The following MYBL1 variants were observed in gnomAD, a reference collection of about 807,000 sequenced individuals.
The protein encoded by MYBL1 is MYB proto-oncogene like 1, also known as myb-related protein A.
In MYBL1, 17 loss-of-function variants were observed where a neutral mutation model predicts 96.3. That is an observed-to-expected ratio of 0.18 (90% CI 0.12 to 0.26). The LOEUF (loss-of-function observed/expected upper bound fraction) is 0.26. Ranked by LOEUF, MYBL1 falls within the 10% of genes least tolerant of loss-of-function variation. The pLI is 1.00. For synonymous variants in MYBL1, 282 were observed against 292.7 expected (o/e 0.96, Z 0.37); for missense variants, 701 against 882.9 (o/e 0.79, Z 2.61).
At chr8:66,587,765 A>G (rs935181852) in intron 8 of MYBL1, among the ~76,000 whole-genome samples, 4 of 152,240 alleles carry the variant, frequency 2.6e-5, no homozygotes, top group African/African-American at 9.6e-5. Flanking sequence ...GCCACTAGCC[A>G]TATAAGCAAC....
chr8:66,569,068 A>C lies in MYBL1; in HGVS notation c.1729-2076T>G, dbSNP rs1044946062. On this transcript the variant is annotated intron_variant, in intron 12 of 15. Transcript: ENST00000522677. ...ATTTCATCACCCAAGTATTAAGCCTAGTACCCATTAGTTATTTTTCCTGAT... is the reference window on the plus strand; with the variant it reads ...ATTTCATCACCCAAGTATTAAGCCTCGTACCCATTAGTTATTTTTCCTGAT... 5.3e-5 allele frequency among the ~76,000 whole-genome samples: 8 copies of C among 152,166 alleles called. 1 individual carries two copies.
intron 14 of MYBL1, among the ~76,000 whole-genome samples, 178 bp downstream of exon 14, chr8:66,566,506 A>G (rs1808508808): frequency 6.6e-6 from 1 of 152,160 alleles, no homozygotes; most frequent in Admixed American, 6.5e-5. Flanking sequence ...AATATAAAAA[A>G]AAGTAAATAA....
At position 66,576,264 on chromosome 8, in the gene MYBL1, T is replaced by A. The variant is rs750977844; in HGVS notation, c.1213A>T (p.Met405Leu). The A allele has an allele frequency of 4.3e-6, 7 of 1,613,922 alleles. No individual in the cohort carries two copies. Among genetic ancestry groups the A allele is most frequent in the Non-Finnish European group, 2.5e-6 (3 of 1,179,910 alleles). The change falls in exon 10 of 16, where the codon ATG becomes TTG. Residue 405 changes from methionine to leucine, a missense_variant. This residue lies in a region of MYBL1 where 396 missense variants were observed against 407.4 expected (regional missense o/e 0.97). Coordinates refer to ENST00000522677, the MANE Select transcript of MYBL1 (RefSeq NM_001080416.4). Reference protein sequence around the residue: ...LMRIQHNEGAMECQFNVSLVL... With the variant: ...LMRIQHNEGALECQFNVSLVL... Reference sequence around the variant, plus strand: ...AGACTGACGTTAAATTGGCATTCCATGGCTCCTTCATTGTGCTGAATTCTC... The same window carrying A: ...AGACTGACGTTAAATTGGCATTCCAAGGCTCCTTCATTGTGCTGAATTCTC...
chr8:66,572,482 C>T lies in MYBL1; in HGVS notation c.1728G>A (p.Val576=). 1 of 1,491,498 alleles carries T rather than the reference C, an allele frequency of 6.7e-7. No individual in the cohort carries two copies. The highest frequency in any genetic ancestry group is 1.2e-5 in the South Asian group (1 of 81,482). The allele number at this position is 1,491,498 out of a possible 1,614,324, so 92.4% of individuals were successfully genotyped here. Residue 576 remains valine (V), a splice_region_variant and synonymous_variant, in exon 12 of 16, where the codon GTG becomes GTA. Transcript: ENST00000522677. ...TTAAAAATAAAATGAATATACATAC[C>T]ACAATTTTAAGAGGTCCATATTTTT... ...QEKKYGPLKI[V]SQPLAFLEED...
At chr8:66,571,295 T>C (rs951073911) in intron 12 of MYBL1, among the ~76,000 whole-genome samples, 1 of 152,164 alleles carries the variant, frequency 6.6e-6, no homozygotes, top group African/African-American at 2.4e-5. Context: ...CCACAAATAC[T>C]ATTATTAGAA....
intron 9 of MYBL1, among the ~76,000 whole-genome samples, chr8:66,579,645 A>T (rs1279054738): frequency 6.6e-6 from 1 of 150,580 alleles, no homozygotes; most frequent in Non-Finnish European, 1.5e-5. Flanking sequence ...CGACAGAGTG[A>T]GATGCCATCT....
intron 14 of MYBL1, 117 bp from the exon 15 acceptor site, chr8:66,566,360 C>G: frequency 3.4e-6 from 2 of 587,526 alleles, no homozygotes; most frequent in Non-Finnish European, 5.5e-6. Flanking sequence ...AAGCATTTGG[C>G]TCTGATGAAA....
chr8:66,574,147 T>C (rs763193732), intron 10 of MYBL1, among the ~76,000 whole-genome samples: 4 of 152,172 alleles, frequency 2.6e-5, no homozygotes, highest in African/African-American at 4.8e-5. Flanking sequence ...TATGAAGCCA[T>C]AGAAATGGCT....
intron 1 of MYBL1, among the ~76,000 whole-genome samples, chr8:66,611,721 C>A (rs1035757310): frequency 6.6e-6 from 1 of 152,184 alleles, no homozygotes; most frequent in African/African-American, 2.4e-5. Context: ...AGGATTTCTG[C>A]AGAAGCATCC....
At chr8:66,567,025 A>T in intron 12 of MYBL1, 33 bp from the exon 13 acceptor site, 1 of 1,406,002 alleles carries the variant, frequency 7.1e-7, no homozygotes, top group East Asian at 2.3e-5. Flanking sequence ...GTAAAAAGTC[A>T]TTTATAGCAA....
intron 15 of MYBL1, among the ~76,000 whole-genome samples, 182 bp downstream of exon 15, chr8:66,565,882 T>C (rs538146710): frequency 6.6e-6 from 1 of 152,302 alleles, no homozygotes; most frequent in African/African-American, 2.4e-5. Context: ...TTAGTTTATA[T>C]GTGCCCTGAT....
intron 1 of MYBL1, among the ~76,000 whole-genome samples, chr8:66,606,789 G>GTTTT (rs531370971): frequency 1.6e-4 from 23 of 144,864 alleles, no homozygotes; most frequent in African/African-American, 5.8e-4. Context: ...ATACATGGCT[G>GTTTT]TTTTTTTTTT....
chr8:66,572,074 C>T (rs1199653488), intron 12 of MYBL1, among the ~76,000 whole-genome samples: 8 of 133,534 alleles, frequency 6.0e-5, no homozygotes, highest in Admixed American at 3.2e-4. Context: ...TTTGGGAGGC[C>T]GAGGTGGGGG....
At chr8:66,601,620 A>G (rs1466691615) in intron 3 of MYBL1, 78 bp downstream of exon 3, 2 of 781,052 alleles carry the variant, frequency 2.6e-6, no homozygotes, top group Non-Finnish European at 4.1e-6. Flanking sequence ...ATATGTAGAC[A>G]CATTTTTGAA....
rs1174609897 is a variant in MYBL1, at chr8:66,577,440, A to T, written c.1102-1065T>A. On this transcript the variant is annotated intron_variant, in intron 9 of 15. Transcript: ENST00000522677. Reference sequence around the variant, plus strand: ...GCATTCTTATACACCAATAACAGACAAACAGAGAGCCAAATCATGAGTGAA... The same window carrying T: ...GCATTCTTATACACCAATAACAGACTAACAGAGAGCCAAATCATGAGTGAA... Among the ~76,000 whole-genome samples, 37 of 149,978 alleles carry T rather than the reference A, an allele frequency of 2.5e-4. 1 individual carries two copies. The highest frequency in any genetic ancestry group is 2.4e-3 in the Admixed American group (36 of 15,090).
At chr8:66,602,240 G>T (rs1015280014) in intron 2 of MYBL1, among the ~76,000 whole-genome samples, 178 bp downstream of exon 2, 1 of 151,838 alleles carries the variant, frequency 6.6e-6, no homozygotes, top group African/African-American at 2.4e-5. Flanking sequence ...TAGTAGAGAC[G>T]GGGTTTCATC....
intron 6 of MYBL1, 32 bp from the exon 7 acceptor site, chr8:66,593,226 A>T: frequency 7.8e-7 from 1 of 1,281,540 alleles, no homozygotes. Context: ...ATTATCATAC[A>T]TATAATGCTA....
intron 8 of MYBL1, among the ~76,000 whole-genome samples, chr8:66,589,664 T>G (rs1364287214): frequency 1.3e-5 from 2 of 152,024 alleles, no homozygotes; most frequent in Non-Finnish European, 2.9e-5. Flanking sequence ...TTAAATTTTT[T>G]GTAGAGATGG....
chr8:66,564,878 A>G, intron 15 of MYBL1, 53 bp from the exon 16 acceptor site: 4 of 1,308,524 alleles, frequency 3.1e-6, no homozygotes, highest in Non-Finnish European at 4.2e-6. Flanking sequence ...AGCTATCTAT[A>G]TCACAATTAG....
Sources: gnomAD v4.1 joint callset for allele counts (sites outside exome capture counted in the v4.1 genomes callset) on GRCh38, gnomAD v4.1.1 for gene constraint, gnomAD v4.1.1 regional missense constraint, MANE v1.5 for transcripts, NCBI Gene and HGNC (gene_info 2026-07-23, HGNC 2026-07-21) for gene names.